The following FAF2 variants were observed in gnomAD, a reference collection of about 807,000 sequenced individuals.
FAF2 encodes the protein Fas associated factor family member 2.
A neutral mutation model predicts 62.3 loss-of-function variants in FAF2; 9 were observed. That is an observed-to-expected ratio of 0.14 (90% CI 0.09 to 0.25). The LOEUF is 0.25. Ranked by LOEUF, FAF2 falls within the 10% of genes least tolerant of loss-of-function variation. The pLI is 1.00. For missense variants in FAF2, 368 were observed against 556.2 expected, an observed-to-expected ratio of 0.66 and a Z score of 3.40; for synonymous variants, 202 against 198.0, an observed-to-expected ratio of 1.02 and a Z score of -0.17.
intron 1 of FAF2, among the ~76,000 whole-genome samples, chr5:176,476,228 C>T (rs923247950): frequency 2.0e-5 from 3 of 152,068 alleles, no homozygotes; most frequent in Non-Finnish European, 4.4e-5. Flanking sequence ...CCACTGCACT[C>T]CAGCCTGGAC....
chr5:176,450,883 T>G (rs1157306000), intron 1 of FAF2, among the ~76,000 whole-genome samples: 1 of 152,174 alleles, frequency 6.6e-6, no homozygotes, highest in Non-Finnish European at 1.5e-5. Flanking sequence ...GGGTAGCAGG[T>G]TCGAGCTGTA....
rs202212940 is a variant in FAF2, at chr5:176,480,288, CT to C, written c.132+1041del. Reference sequence around the variant, plus strand: ...TGCTGGATTCCTAAAAACGTGTTCCCTTTTTTTTTCCAGTTTTTTTTTTTAA... The same window carrying C: ...TGCTGGATTCCTAAAAACGTGTTCCCTTTTTTTTCCAGTTTTTTTTTTTAA... On this transcript the variant is annotated intron_variant, in intron 2 of 10. Transcript: ENST00000261942. Among the ~76,000 whole-genome samples the C allele has an allele frequency of 6.4e-3, 946 of 147,526 alleles. 25 individuals are homozygous for C. The highest frequency in any genetic ancestry group is 0.047 in the Admixed American group (699 of 14,852).
chr5:176,457,284 GTTCAAGTGA>G (rs1758293216), intron 1 of FAF2, among the ~76,000 whole-genome samples: 1 of 152,038 alleles, frequency 6.6e-6, no homozygotes, highest in Admixed American at 6.6e-5. Flanking sequence ...TGTCTCCCAG[GTTCAAGTGA>G]TTCTTCTGCC....
intron 8 of FAF2, among the ~76,000 whole-genome samples, chr5:176,497,858 T>C (rs1419510276): frequency 6.6e-6 from 1 of 152,178 alleles, no homozygotes; most frequent in Non-Finnish European, 1.5e-5. Flanking sequence ...ATTAGAAAAA[T>C]GCAGAATCAG....
At chr5:176,495,992 C>A (rs1438008958) in intron 7 of FAF2, among the ~76,000 whole-genome samples, 1 of 152,064 alleles carries the variant, frequency 6.6e-6, no homozygotes, top group Non-Finnish European at 1.5e-5. Context: ...TAGGTTTGAG[C>A]CCTTGTACAG....
intron 5 of FAF2, among the ~76,000 whole-genome samples, chr5:176,492,761 A>G (rs1273773075): frequency 1.3e-5 from 2 of 152,172 alleles, no homozygotes; most frequent in Non-Finnish European, 2.9e-5. Context: ...CTATCTCATC[A>G]TCTAGAATAC....
chr5:176,490,854 A>C (rs952196278), intron 4 of FAF2, among the ~76,000 whole-genome samples: 1 of 152,080 alleles, frequency 6.6e-6, no homozygotes, highest in African/African-American at 2.4e-5. Context: ...AAAAAAAATA[A>C]AGGCTTTAAG....
intron 1 of FAF2, chr5:176,453,435 A>T (rs1758222085): frequency 6.6e-6 from 1 of 152,086 alleles, no homozygotes; most frequent in Non-Finnish European, 1.5e-5. Flanking sequence ...AGGAGGAAGA[A>T]ATTTATGACC....
At chr5:176,503,043 G>A (rs1197082541) in intron 10 of FAF2, among the ~76,000 whole-genome samples, 2 of 148,354 alleles carry the variant, frequency 1.3e-5, no homozygotes, top group African/African-American at 2.5e-5. Context: ...GCGAGGCTGT[G>A]TCTCAAAAAA....
chr5:176,461,088 C>G (rs1758370475), intron 1 of FAF2, among the ~76,000 whole-genome samples: 1 of 150,996 alleles, frequency 6.6e-6, no homozygotes, highest in African/African-American at 2.4e-5. Flanking sequence ...TCTTGGCTCA[C>G]TGCAACCTCT....
intron 7 of FAF2, among the ~76,000 whole-genome samples, chr5:176,495,954 G>A (rs547264748): frequency 5.8e-4 from 88 of 152,294 alleles, no homozygotes; most frequent in African/African-American, 2.0e-3. Flanking sequence ...AGTATCATCA[G>A]GCTGAGACTT....
At chr5:176,451,869 T>C (rs1300734177) in intron 1 of FAF2, among the ~76,000 whole-genome samples, 735 of 34,956 alleles carry the variant, frequency 0.021, 121 homozygotes, top group African/African-American at 0.089. Context: ...CATATATATA[T>C]ACACACATAT....
chr5:176,452,150 C>G (rs1248636265), intron 1 of FAF2, among the ~76,000 whole-genome samples: 2 of 151,284 alleles, frequency 1.3e-5, no homozygotes, highest in Admixed American at 1.3e-4. Context: ...CTCTGCCTCC[C>G]AGGTTTAAGC....
chr5:176,506,129 TGTG>T (rs1172421586), intron 10 of FAF2, among the ~76,000 whole-genome samples: 1 of 149,452 alleles, frequency 6.7e-6, no homozygotes, highest in Non-Finnish European at 1.5e-5. Context: ...AGGCGGAGCT[TGTG>T]GTGAGCTGAG....
At chr5:176,498,820 TACAC>T (rs141712320) in intron 8 of FAF2, 90 bp from the exon 9 acceptor site, 20 of 1,151,366 alleles carry the variant, frequency 1.7e-5, no homozygotes, top group East Asian at 1.0e-4. Flanking sequence ...TCAACATTTT[TACAC>T]ACACACACAC....
chr5:176,469,231 C>G (rs746936759), intron 1 of FAF2, among the ~76,000 whole-genome samples: 17 of 151,950 alleles, frequency 1.1e-4, no homozygotes, highest in Non-Finnish European at 1.6e-4. Context: ...GGCGACAGAG[C>G]GAGACTCCAT....
chr5:176,484,194 T>A (rs1262100944), intron 2 of FAF2, among the ~76,000 whole-genome samples: 1 of 152,196 alleles, frequency 6.6e-6, no homozygotes. Flanking sequence ...TGTATAACAA[T>A]ATGCATGAAG....
At chr5:176,471,076 C>T (rs1192131321) in intron 1 of FAF2, among the ~76,000 whole-genome samples, 1 of 152,172 alleles carries the variant, frequency 6.6e-6, no homozygotes, top group Non-Finnish European at 1.5e-5. Context: ...TTCTCTTCCA[C>T]CCCCACATGT....
Position 176,500,050 on chromosome 5 carries a change from A to G in FAF2, c.1059A>G (p.Glu353=), listed in dbSNP as rs1329086582. ...GGAAGTTGGAATGCCTGCCCCCTGA[A>G]CCTTCCCCTGATGACCCTGAAAGTG... ...KERKLECLPP[E]PSPDDPESVK... The change falls in exon 10 of 11, where the codon GAA becomes GAG. Residue 353 remains glutamate, a synonymous_variant. Coordinates refer to ENST00000261942, the MANE Select transcript of FAF2 (RefSeq NM_014613.3). The G allele has an allele frequency of 6.2e-7, 1 of 1,614,034 alleles. No individual in the cohort carries two copies. The highest frequency in any genetic ancestry group is 1.1e-5 in the South Asian group (1 of 91,088).
Sources: allele counts gnomAD v4.1 joint callset (sites outside exome capture counted in the v4.1 genomes callset), GRCh38; gene constraint gnomAD v4.1.1; transcripts MANE v1.5; gene names NCBI Gene and HGNC (gene_info 2026-07-23, HGNC 2026-07-21).